RPS6KA6: variants seen among roughly 807,000 people sequenced by gnomAD.
The protein encoded by RPS6KA6 is ribosomal protein S6 kinase alpha-6.
In RPS6KA6, 27 loss-of-function variants were observed where a neutral mutation model predicts 65.4. That is an observed-to-expected ratio of 0.41 (90% CI 0.30 to 0.57). The LOEUF (loss-of-function observed/expected upper bound fraction) is 0.57, where lower values mean the gene tolerates loss of function less well. Ranked by LOEUF, RPS6KA6 falls within the 20% of genes least tolerant of loss-of-function variation. RPS6KA6 has a pLI of 0.24. For missense variants in RPS6KA6, 486 were observed against 555.6 expected (o/e 0.87, Z 1.26); for synonymous variants, 190 against 184.2 (o/e 1.03, Z -0.26).
chrX:84,065,465 C>T (rs17267184), intron 20 of RPS6KA6, among the ~76,000 whole-genome samples: 2 of 110,605 alleles, frequency 1.8e-5, no homozygotes, highest in African/African-American at 6.6e-5. Flanking sequence ...TAAGCTGGGC[C>T]CCAAGGTGTA....
chrX:84,078,682 G>T (rs1285237481), intron 20 of RPS6KA6, among the ~76,000 whole-genome samples: 1 of 111,924 alleles, frequency 8.9e-6, no homozygotes, highest in Non-Finnish European at 1.9e-5. Context: ...TCAAAAGACT[G>T]CAGACTTATG....
At chrX:84,109,656 G>A (rs950502775) in intron 12 of RPS6KA6, among the ~76,000 whole-genome samples, 1 of 110,547 alleles carries the variant, frequency 9.0e-6, no homozygotes, top group Non-Finnish European at 1.9e-5. Context: ...GCCTCCACAG[G>A]CACATGATGT....
intron 1 of RPS6KA6, among the ~76,000 whole-genome samples, chrX:84,179,856 A>C (rs2035825149): frequency 8.9e-6 from 1 of 112,095 alleles, no homozygotes; most frequent in South Asian, 3.7e-4. Flanking sequence ...ATTAAGTTTG[A>C]AATGTAATTG....
chrX:84,070,648 C>G (rs1471721935), intron 20 of RPS6KA6, among the ~76,000 whole-genome samples: 1 of 111,264 alleles, frequency 9.0e-6, no homozygotes, highest in Non-Finnish European at 1.9e-5. Flanking sequence ...ACTAAAGACT[C>G]TAAGTAGTAC....
Position 84,147,011 on chromosome X carries a change from C to A in RPS6KA6, c.388G>T (p.Val130Leu), listed in dbSNP as rs1315208363. The A allele has an allele frequency of 8.4e-7, 1 of 1,186,969 alleles. No individual in the cohort carries two copies. Among genetic ancestry groups the A allele is most frequent in the Admixed American group, 2.2e-5 (1 of 45,275 alleles). Reference sequence around the variant, plus strand: ...AATTTGACAATAAATGGATGATTTACTTCCACCAGTATATCCCTCTCCATC... The same window carrying A: ...AATTTGACAATAAATGGATGATTTAATTCCACCAGTATATCCCTCTCCATC... ...TKMERDILVE[V>L]NHPFIVKLHY... The change falls in exon 5 of 22, where the codon GTA becomes TTA. Residue 130 changes from valine to leucine, a missense_variant. By Grantham distance (32) the Val-to-Leu change is conservative. Transcript: ENST00000262752.
intron 12 of RPS6KA6, among the ~76,000 whole-genome samples, chrX:84,111,383 T>C (rs2034467599): frequency 9.0e-6 from 1 of 111,131 alleles, no homozygotes; most frequent in Non-Finnish European, 1.9e-5. Flanking sequence ...CCGAGGGATA[T>C]AGTCGCCAGA....
chrX:84,086,975 C>A (rs1329940571), intron 20 of RPS6KA6, among the ~76,000 whole-genome samples: 3 of 110,589 alleles, frequency 2.7e-5, no homozygotes, highest in Non-Finnish European at 5.7e-5. Context: ...AGGATTGCAA[C>A]CCCTGCTTTT....
At position 84,172,642 on chromosome X, in the gene RPS6KA6, G is replaced by T. The variant is rs181361291; in HGVS notation, c.82-8255C>A. Among the ~76,000 whole-genome samples, 3 of 111,502 alleles carry T rather than the reference G, an allele frequency of 2.7e-5. No individual in the cohort carries two copies. In the East Asian group the frequency reaches 8.4e-4, roughly 31 times the overall value. ...TAGAACCAAAAAAATCGAAAGCAGG[G>T]TCTCAAAAAGATATTTGTACACCTA... On this transcript the variant is annotated intron_variant, in intron 1 of 21. Transcript: ENST00000262752.
intron 3 of RPS6KA6, among the ~76,000 whole-genome samples, chrX:84,153,236 C>A (rs2035359929): frequency 9.0e-6 from 1 of 111,676 alleles, no homozygotes; most frequent in Non-Finnish European, 1.9e-5. Context: ...TACTTAAAGT[C>A]TTTACTATCA....
chrX:84,167,672 T>C (rs1300553097), intron 1 of RPS6KA6, among the ~76,000 whole-genome samples: 2 of 111,659 alleles, frequency 1.8e-5, no homozygotes, highest in Non-Finnish European at 3.8e-5. Context: ...ATTCCATTTA[T>C]ATGTTATTCT....
At chrX:84,085,520 G>A (rs986426804) in intron 20 of RPS6KA6, among the ~76,000 whole-genome samples, 23 of 111,890 alleles carry the variant, frequency 2.1e-4, no homozygotes, top group African/African-American at 7.5e-4. Flanking sequence ...TACATCCTGG[G>A]GATGAAACCA....
At chrX:84,179,971 T>G (rs1483415390) in intron 1 of RPS6KA6, among the ~76,000 whole-genome samples, 2 of 111,908 alleles carry the variant, frequency 1.8e-5, no homozygotes, top group African/African-American at 6.5e-5. Context: ...TTTCCCTTAA[T>G]TTTGAATTTT....
At chrX:84,158,489 G>A (rs2035452952) in intron 2 of RPS6KA6, among the ~76,000 whole-genome samples, 1 of 110,290 alleles carries the variant, frequency 9.1e-6, no homozygotes, top group African/African-American at 3.3e-5. Flanking sequence ...ATTCATTCTG[G>A]CTAATGAAAT....
intron 12 of RPS6KA6, among the ~76,000 whole-genome samples, chrX:84,115,928 T>C (rs1013124973): frequency 2.7e-5 from 3 of 110,752 alleles, no homozygotes; most frequent in Admixed American, 9.6e-5. Context: ...ATGGAAATAA[T>C]AGACACCGAG....
intron 8 of RPS6KA6, among the ~76,000 whole-genome samples, chrX:84,123,165 C>T (rs887947163): frequency 9.0e-6 from 1 of 111,686 alleles, no homozygotes; most frequent in Non-Finnish European, 1.9e-5. Flanking sequence ...GATTAACGAG[C>T]TCTTGGGCCA....
At chrX:84,100,288 C>T (rs1483818775) in intron 18 of RPS6KA6, among the ~76,000 whole-genome samples, 2 of 110,642 alleles carry the variant, frequency 1.8e-5, no homozygotes, top group African/African-American at 3.3e-5. Flanking sequence ...CTACAGTGTA[C>T]GTCTGTTGGG....
chrX:84,148,849 G>A (rs2035248136), intron 3 of RPS6KA6, among the ~76,000 whole-genome samples: 1 of 111,272 alleles, frequency 9.0e-6, no homozygotes, highest in African/African-American at 3.3e-5. Context: ...GGTTAGGGTG[G>A]CTGTGGCAAT....
In RPS6KA6 at chrX:84,096,298, C is replaced by G. The variant is rs1222824516; in HGVS notation, c.1867G>C (p.Ala623Pro). Reference sequence around the variant, plus strand: ...TCAGGAGTATCATTGGGGCCATTAGCAAATGGAGTGTAGCTATTAATAAAA... The same window carrying G: ...TCAGGAGTATCATTGGGGCCATTAGGAAATGGAGTGTAGCTATTAATAAAA... ...YTMLAGYTPF[A>P]NGPNDTPEEI... The change falls in exon 20 of 22, where the codon GCT becomes CCT. Residue 623 changes from alanine to proline, a missense_variant. This residue lies in a region of RPS6KA6 where 345 missense variants were observed against 375.0 expected (regional missense o/e 0.92). Transcript: ENST00000262752. The G allele has an allele frequency of 8.9e-7, 1 of 1,119,735 alleles. No homozygotes were observed. The highest frequency in any genetic ancestry group is 2.0e-5 in the South Asian group (1 of 48,958). The allele number at this position is 1,119,735 out of a possible 1,213,427, so 92.3% of individuals were successfully genotyped here.
rs1411866175 is a variant in RPS6KA6, at chrX:84,100,120, T to C, written c.1776+1917A>G. On this transcript the variant is annotated intron_variant, in intron 18 of 21. Transcript: ENST00000262752. ...TAATAACAATTTACAAATATATTAT[T>C]GATTCCTAGCATGGGCTTCATCACT... 3.6e-5 allele frequency among the ~76,000 whole-genome samples: 4 copies of C among 111,669 alleles called. No individual in the cohort carries two copies. In the Admixed American group the frequency reaches 3.8e-4, roughly 11 times the overall value.
Sources: gnomAD v4.1 joint callset for allele counts (sites outside exome capture counted in the v4.1 genomes callset) on GRCh38, gnomAD v4.1.1 for gene constraint, gnomAD v4.1.1 regional missense constraint, MANE v1.5 for transcripts, NCBI Gene and HGNC (gene_info 2026-07-23, HGNC 2026-07-21) for gene names.